The following AKAP13 variants were observed in gnomAD, a reference collection of about 807,000 sequenced individuals.
The protein encoded by AKAP13 is A-kinase anchor protein 13.
AKAP13 carries 80 observed loss-of-function variants against 264.5 expected under a neutral mutation model. The observed-to-expected ratio is 0.30, with a 90% confidence interval of 0.25 to 0.36. AKAP13 has a LOEUF of 0.36. Ranked by LOEUF, AKAP13 falls within the 10% of genes least tolerant of loss-of-function variation. AKAP13 has a pLI of 1.00. For missense variants in AKAP13, 3,712 were observed against 3,435.2 expected, an observed-to-expected ratio of 1.08 and a Z score of -2.01; for synonymous variants, 1,380 against 1,250.2, an observed-to-expected ratio of 1.10 and a Z score of -2.19.
At chr15:85,591,798 A>G (rs532149255) in intron 8 of AKAP13, among the ~76,000 whole-genome samples, 3 of 152,180 alleles carry the variant, frequency 2.0e-5, no homozygotes, top group Non-Finnish European at 4.4e-5. Context: ...TCATTGAAGT[A>G]TCTCAATAAT....
rs1230743643 is a variant in AKAP13, at chr15:85,439,266, T to A, written c.-11-46444T>A. Among the ~76,000 whole-genome samples the A allele has an allele frequency of 1.2e-3, 169 of 145,294 alleles. 1 individual carries two copies. The highest frequency in any genetic ancestry group is 4.2e-3 in the African/African-American group (164 of 39,322). ...AGAGAAATGCAAATCAAAACCACAA[T>A]GAGATACCATCTCACACCAGTTAGA... On this transcript the variant is annotated intron_variant, in intron 1 of 36. Coordinates refer to ENST00000394518, the MANE Select transcript of AKAP13 (RefSeq NM_007200.5).
intron 16 of AKAP13, chr15:85,691,870 G>A: frequency 2.0e-6 from 1 of 492,660 alleles, no homozygotes; most frequent in South Asian, 1.5e-5. Context: ...AGAGGTCAGA[G>A]AGCACGGCGT....
At chr15:85,447,191 G>A (rs111466131) in intron 1 of AKAP13, among the ~76,000 whole-genome samples, 2,275 of 152,060 alleles carry the variant, frequency 0.015, 64 homozygotes, top group African/African-American at 0.052. Flanking sequence ...CTCTTGAACC[G>A]GGGAGGTGGA....
chr15:85,478,578 C>CGTGG (rs2075252716), intron 1 of AKAP13, among the ~76,000 whole-genome samples: 1 of 151,986 alleles, frequency 6.6e-6, no homozygotes, highest in Admixed American at 6.6e-5. Flanking sequence ...AATGAGTGAA[C>CGTGG]GTGGGTGTTA....
At chr15:85,468,006 G>T (rs1174649709) in intron 1 of AKAP13, among the ~76,000 whole-genome samples, 3 of 152,156 alleles carry the variant, frequency 2.0e-5, no homozygotes, top group African/African-American at 7.2e-5. Context: ...TTGTATTTTT[G>T]TCTCAATAAT....
chr15:85,590,893 A>C (rs77386825), intron 8 of AKAP13, among the ~76,000 whole-genome samples: 2 of 152,178 alleles, frequency 1.3e-5, no homozygotes, highest in African/African-American at 4.8e-5. Flanking sequence ...AGTACAGCTT[A>C]GTATTATTAT....
At chr15:85,487,452 T>G (rs1018066613) in intron 2 of AKAP13, among the ~76,000 whole-genome samples, 1 of 152,240 alleles carries the variant, frequency 6.6e-6, no homozygotes, top group Non-Finnish European at 1.5e-5. Context: ...CTAGTTTGAC[T>G]ATTTTTATGA....
intron 8 of AKAP13, among the ~76,000 whole-genome samples, chr15:85,625,198 A>G (rs1286883795): frequency 1.3e-5 from 2 of 152,142 alleles, no homozygotes; most frequent in African/African-American, 2.4e-5. Context: ...TCACCCATTC[A>G]CTTTCCTACC....
At chr15:85,688,885 G>A (rs574427006) in intron 16 of AKAP13, among the ~76,000 whole-genome samples, 1 of 152,174 alleles carries the variant, frequency 6.6e-6, no homozygotes, top group Non-Finnish European at 1.5e-5. Context: ...TTTTGTCTTA[G>A]TATCTTTGAG....
intron 2 of AKAP13, among the ~76,000 whole-genome samples, chr15:85,490,458 G>A (rs1751170903): frequency 6.6e-6 from 1 of 152,194 alleles, no homozygotes. Flanking sequence ...AATCGTTTGA[G>A]TCTTCTCTAA....
intron 5 of AKAP13, among the ~76,000 whole-genome samples, chr15:85,571,468 T>C (rs1258090498): frequency 6.6e-6 from 1 of 152,222 alleles, no homozygotes; most frequent in African/African-American, 2.4e-5. Context: ...GCAGTAAACA[T>C]TCTTATGCAT....
intron 1 of AKAP13, among the ~76,000 whole-genome samples, chr15:85,425,631 A>T (rs1238073790): frequency 6.6e-6 from 1 of 150,680 alleles, no homozygotes; most frequent in African/African-American, 2.4e-5. Context: ...CAGGAGAATC[A>T]CTTGAACCCA....
chr15:85,610,159 A>G (rs4843082), intron 8 of AKAP13, among the ~76,000 whole-genome samples: 30,928 of 152,240 alleles, frequency 0.2, 4,164 homozygotes, highest in Middle Eastern at 0.41. Context: ...GCTGATGACA[A>G]CGAGATCCCA....
At chr15:85,627,742 A>G (rs2081492891) in intron 8 of AKAP13, 1 of 152,206 alleles carries the variant, frequency 6.6e-6, no homozygotes, top group South Asian at 2.1e-4. Context: ...AGGTTATGCA[A>G]AGAACCGCCG....
chr15:85,682,890 C>G (rs1597043366), intron 15 of AKAP13, among the ~76,000 whole-genome samples: 1 of 152,208 alleles, frequency 6.6e-6, no homozygotes, highest in Admixed American at 6.5e-5. Flanking sequence ...AGGTCTCAAA[C>G]TCCCGACCTC....
intron 8 of AKAP13, among the ~76,000 whole-genome samples, chr15:85,610,306 T>G (rs1349163605): frequency 6.6e-6 from 1 of 152,250 alleles, no homozygotes; most frequent in Non-Finnish European, 1.5e-5. Flanking sequence ...GCCTCTTCCC[T>G]TCTTTTTCCA....
intron 1 of AKAP13, among the ~76,000 whole-genome samples, chr15:85,385,294 T>G (rs546103829): frequency 6.7e-6 from 1 of 149,420 alleles, no homozygotes; most frequent in African/African-American, 2.4e-5. Context: ...CTTTTATAGT[T>G]GATTAAGAAA....
intron 1 of AKAP13, among the ~76,000 whole-genome samples, chr15:85,448,908 T>TA (rs1400050642): frequency 4.8e-4 from 73 of 151,276 alleles, no homozygotes; most frequent in African/African-American, 1.7e-3. Context: ...TCCATATAAT[T>TA]AAAAAAATTT....
At chr15:85,387,126 G>A (rs1476091750) in intron 1 of AKAP13, among the ~76,000 whole-genome samples, 1 of 152,004 alleles carries the variant, frequency 6.6e-6, no homozygotes, top group Non-Finnish European at 1.5e-5. Context: ...CCTGAGATCA[G>A]GAGTTCGAGA....
Sources: gnomAD v4.1 joint callset for allele counts (sites outside exome capture counted in the v4.1 genomes callset) on GRCh38, gnomAD v4.1.1 for gene constraint, MANE v1.5 for transcripts, NCBI Gene and HGNC (gene_info 2026-07-23, HGNC 2026-07-21) for gene names.